The following NMNAT2 variants were observed in gnomAD, a reference collection of about 807,000 sequenced individuals.
NMNAT2 encodes nicotinamide nucleotide adenylyltransferase 2, also known as nicotinamide/nicotinic acid mononucleotide adenylyltransferase 2.
NMNAT2 carries 11 observed loss-of-function variants against 41.6 expected under a neutral mutation model. That is an observed-to-expected ratio of 0.26 (90% CI 0.17 to 0.44). The LOEUF (loss-of-function observed/expected upper bound fraction) is 0.44, where lower values mean the gene tolerates loss of function less well. NMNAT2 is among the 20% of genes least tolerant of loss of function. The pLI, the probability that NMNAT2 is intolerant of heterozygous loss-of-function variation, is 1.00. For missense variants in NMNAT2, 288 were observed against 407.7 expected, an observed-to-expected ratio of 0.71 and a Z score of 2.53; for synonymous variants, 148 against 151.2, an observed-to-expected ratio of 0.98 and a Z score of 0.16.
intron 1 of NMNAT2, among the ~76,000 whole-genome samples, chr1:183,359,327 A>G (rs1366557083): frequency 6.6e-6 from 1 of 152,144 alleles, no homozygotes; most frequent in Non-Finnish European, 1.5e-5. Context: ...ATTTCCATAA[A>G]GAGATGAAGA....
chr1:183,261,869 G>A (rs527502651), intron 8 of NMNAT2, among the ~76,000 whole-genome samples: 1 of 152,180 alleles, frequency 6.6e-6, no homozygotes, highest in African/African-American at 2.4e-5. Flanking sequence ...TGATGATTAG[G>A]GTCACTTCAG....
chr1:183,351,964 C>T (rs1356465586), intron 1 of NMNAT2, among the ~76,000 whole-genome samples: 2 of 152,136 alleles, frequency 1.3e-5, no homozygotes, highest in Non-Finnish European at 2.9e-5. Context: ...AACCCAATGA[C>T]ATGCAATGTG....
Position 183,418,348 on chromosome 1 carries a change from G to A in NMNAT2, c.-81C>T. 4.3e-6 allele frequency: 6 copies of A among 1,390,080 alleles called. No individual in the cohort carries two copies. Among genetic ancestry groups the A allele is most frequent in the South Asian group, 1.2e-5 (1 of 85,972 alleles). The allele number at this position is 1,390,080 out of a possible 1,614,324, so 86.1% of individuals were successfully genotyped here. The stretch of plus-strand genomic sequence containing the variant: ...TTGTGTCTGCAGAGGGAGAAAGGAA[G>A]GCGAGGCTCCGGCGGTGGATGCTGT... On this transcript the variant is annotated 5_prime_UTR_variant, in exon 1 of 11. Coordinates refer to ENST00000287713, the MANE Select transcript of NMNAT2 (RefSeq NM_015039.4).
intron 8 of NMNAT2, among the ~76,000 whole-genome samples, chr1:183,265,446 T>C (rs1660788390): frequency 6.6e-6 from 1 of 151,916 alleles, no homozygotes; most frequent in Non-Finnish European, 1.5e-5. Context: ...TGTGTATTTT[T>C]AGTAGATACA....
chr1:183,305,343 A>G (rs1219191404), intron 1 of NMNAT2, among the ~76,000 whole-genome samples: 2 of 152,074 alleles, frequency 1.3e-5, no homozygotes, highest in African/African-American at 4.8e-5. Context: ...GGAGGAAGCA[A>G]TGAAGACAGG....
At chr1:183,253,273 ATAT>A (rs1327050900) in intron 10 of NMNAT2, among the ~76,000 whole-genome samples, 1 of 147,872 alleles carries the variant, frequency 6.8e-6, no homozygotes, top group Non-Finnish European at 1.5e-5. Flanking sequence ...ATACTATATT[ATAT>A]TATTTATATA....
chr1:183,315,778 T>TAA lies in NMNAT2; in HGVS notation c.86-21987_86-21986dup, dbSNP rs11454305. ...CCTGGGCAACAAAGCAGACTCCGTG[T>TAA]AAAAAAAAAAAAAAAAAGCAAAGAA... On this transcript the variant is annotated intron_variant, in intron 1 of 10. Transcript: ENST00000287713. Among the ~76,000 whole-genome samples, 626 of 125,862 alleles carry TAA rather than the reference T, an allele frequency of 5.0e-3. 6 individuals are homozygous for TAA. Among genetic ancestry groups the TAA allele is most frequent in the Non-Finnish European group, 6.9e-3 (416 of 60,294 alleles). 82.6% of individuals were successfully genotyped at this position (125,862 alleles called of 152,430 possible). A position where few individuals can be genotyped will look rare whatever the true frequency, so the allele number is the denominator to read the frequency against.
chr1:183,382,978 T>G (rs1663834538), intron 1 of NMNAT2, among the ~76,000 whole-genome samples: 1 of 152,194 alleles, frequency 6.6e-6, no homozygotes, highest in African/African-American at 2.4e-5. Context: ...CCCCTCCACA[T>G]TGCCCTAGTA....
At chr1:183,335,895 T>C (rs899368202) in intron 1 of NMNAT2, among the ~76,000 whole-genome samples, 4 of 152,208 alleles carry the variant, frequency 2.6e-5, no homozygotes, top group African/African-American at 9.6e-5. Flanking sequence ...TACAATAGGC[T>C]GGCCTATCTT....
In NMNAT2 at chr1:183,286,916, G is replaced by A. The variant is rs949096168; in HGVS notation, c.322-128C>T. On this transcript the variant is annotated intron_variant, in intron 4 of 10. Coordinates refer to ENST00000287713, the MANE Select transcript of NMNAT2 (RefSeq NM_015039.4). ...AGAGCTGAGGAAGAGCCCTGGGGAT[G>A]GGTTCTAGACCCAGCTGCATCATGT... 21 of 960,698 alleles carry A rather than the reference G, an allele frequency of 2.2e-5. No individual in the cohort carries two copies. In the East Asian group the frequency reaches 5.8e-4, roughly 26 times the overall value. 59.5% of individuals were successfully genotyped at this position (960,698 alleles called of 1,614,324 possible).
At chr1:183,280,028 G>A (rs891856526) in intron 7 of NMNAT2, among the ~76,000 whole-genome samples, 1 of 152,236 alleles carries the variant, frequency 6.6e-6, no homozygotes, top group Non-Finnish European at 1.5e-5. Context: ...GGGCTGTGGT[G>A]ACTATCGTGG....
intron 1 of NMNAT2, among the ~76,000 whole-genome samples, chr1:183,386,578 A>G (rs1648254742): frequency 6.6e-6 from 1 of 152,208 alleles, no homozygotes; most frequent in Non-Finnish European, 1.5e-5. Flanking sequence ...GTCATTTTAT[A>G]TGAATTTTTA....
intron 1 of NMNAT2, among the ~76,000 whole-genome samples, chr1:183,377,133 G>A (rs545499904): frequency 6.6e-6 from 1 of 152,218 alleles, no homozygotes; most frequent in African/African-American, 2.4e-5. Context: ...TGGGATAAGG[G>A]AATAGGGAGG....
chr1:183,402,257 C>T (rs971797146), intron 1 of NMNAT2, among the ~76,000 whole-genome samples: 25 of 152,160 alleles, frequency 1.6e-4, no homozygotes, highest in Admixed American at 1.4e-3. Flanking sequence ...AGATTAACTG[C>T]CTCCTTTCTT....
At position 183,249,796 on chromosome 1, in the gene NMNAT2, T is replaced by C. The variant is rs1389026976; in HGVS notation, c.*2845A>G. On this transcript the variant is annotated 3_prime_UTR_variant, in exon 11 of 11. Transcript: ENST00000287713. ...CTATCCAAAAGAAGATTCACTTTCT[T>C]TTTATATTAAATAGGAAACCTGTTT... 5.9e-5 allele frequency: 9 copies of C among 151,866 alleles called. No homozygotes were observed. Among genetic ancestry groups the C allele is most frequent in the African/African-American group, 1.9e-4 (8 of 41,264 alleles). 9.4% of individuals were successfully genotyped at this position (151,866 alleles called of 1,614,324 possible).
chr1:183,338,422 C>A (rs766588772), intron 1 of NMNAT2, among the ~76,000 whole-genome samples: 2 of 152,214 alleles, frequency 1.3e-5, no homozygotes, highest in South Asian at 2.1e-4. Flanking sequence ...ATAGGAGTTT[C>A]TATTTAAAAA....
chr1:183,369,237 T>C (rs3897422), intron 1 of NMNAT2, among the ~76,000 whole-genome samples: 2,571 of 149,628 alleles, frequency 0.017, 83 homozygotes, highest in African/African-American at 0.059. Context: ...TTGAGGAAGG[T>C]ATTCTTTTTT....
chr1:183,335,278 G>A (rs1662660055), intron 1 of NMNAT2, among the ~76,000 whole-genome samples: 1 of 152,084 alleles, frequency 6.6e-6, no homozygotes, highest in Admixed American at 6.6e-5. Context: ...AAAAAGTTCT[G>A]GTAGAAACAA....
intron 1 of NMNAT2, among the ~76,000 whole-genome samples, chr1:183,388,574 T>A (rs1648330075): frequency 6.6e-6 from 1 of 152,234 alleles, no homozygotes; most frequent in Non-Finnish European, 1.5e-5. Context: ...TTGTAATTAA[T>A]CAATAAAAAA....
Sources: gnomAD v4.1 joint callset for allele counts (sites outside exome capture counted in the v4.1 genomes callset) on GRCh38, gnomAD v4.1.1 for gene constraint, MANE v1.5 for transcripts, NCBI Gene and HGNC (gene_info 2026-07-23, HGNC 2026-07-21) for gene names.